FOCAD: variants seen among roughly 807,000 people sequenced by gnomAD.
FOCAD encodes the protein focadhesin.
FOCAD carries 198 observed loss-of-function variants against 225.6 expected under a neutral mutation model. The ratio of observed to expected loss-of-function variants is 0.88; its 90% CI spans 0.78 to 0.99. The LOEUF (loss-of-function observed/expected upper bound fraction) is 0.99. FOCAD is among the 50% of genes least tolerant of loss of function. The pLI, the probability that FOCAD is intolerant of heterozygous loss-of-function variation, is 0.00. For synonymous variants in FOCAD, 897 were observed against 755.0 expected (o/e 1.19, Z -3.08); for missense variants, 2,713 against 2,123.6 (o/e 1.28, Z -5.46).
Position 20,912,853 on chromosome 9 carries a change from G to A in FOCAD, c.2719-13G>A, listed in dbSNP as rs756055539. 2 of 1,610,578 alleles carry A rather than the reference G, an allele frequency of 1.2e-6. No individual in the cohort carries two copies. Among genetic ancestry groups the A allele is most frequent in the Non-Finnish European group, 1.7e-6 (2 of 1,177,246 alleles). On this transcript the variant is annotated splice_polypyrimidine_tract_variant and intron_variant, in intron 22 of 43. Coordinates refer to ENST00000338382, the MANE Select transcript of FOCAD (RefSeq NM_001375567.1). ...TCGAGTTCACATGCTGATTTATGCT[G>A]TGATTTTTGCAGGGAAGACTAGGAG...
chr9:20,798,795 T>C (rs1192101087), intron 11 of FOCAD, among the ~76,000 whole-genome samples: 1 of 152,106 alleles, frequency 6.6e-6, no homozygotes, highest in Non-Finnish European at 1.5e-5. Flanking sequence ...TTTCAAAAAA[T>C]CTGCTCCTGG....
At chr9:20,920,866 T>C (rs545951443) in intron 24 of FOCAD, among the ~76,000 whole-genome samples, 1 of 151,094 alleles carries the variant, frequency 6.6e-6, no homozygotes, top group Admixed American at 6.6e-5. Context: ...TAATGCTAAA[T>C]GACGAGTTAG....
At chr9:20,841,028 T>C (rs994791903) in intron 15 of FOCAD, among the ~76,000 whole-genome samples, 4 of 152,082 alleles carry the variant, frequency 2.6e-5, no homozygotes, top group Admixed American at 6.6e-5. Context: ...ATATGTCATA[T>C]TGAATTGCAT....
intron 21 of FOCAD, among the ~76,000 whole-genome samples, chr9:20,891,093 A>G (rs1485700092): frequency 2.0e-5 from 3 of 152,166 alleles, no homozygotes; most frequent in African/African-American, 7.2e-5. Context: ...GTGATGATCT[A>G]TGATTAATGA....
rs1841925025 is a variant in FOCAD at position 20,994,652 on chromosome 9, G to T, written c.5333-904G>T. 2.0e-5 allele frequency among the ~76,000 whole-genome samples: 3 copies of T among 152,336 alleles called. No homozygotes were observed. In the South Asian group the frequency reaches 6.2e-4, roughly 32 times the overall value. On this transcript the variant is annotated intron_variant, in intron 43 of 43. Transcript: ENST00000338382. ...CAGAACTTCACTGAAAATCAGGGCTGTGGTCTGACATGTTTTCACATTATC... is the reference window on the plus strand; with the variant it reads ...CAGAACTTCACTGAAAATCAGGGCTTTGGTCTGACATGTTTTCACATTATC...
intron 1 of FOCAD, among the ~76,000 whole-genome samples, chr9:20,697,997 G>A (rs1241321042): frequency 6.6e-6 from 1 of 152,216 alleles, no homozygotes. Flanking sequence ...TTCTTAATAA[G>A]TGGTATAATT....
chr9:20,827,868 T>C (rs565619853), intron 15 of FOCAD, among the ~76,000 whole-genome samples: 5 of 152,206 alleles, frequency 3.3e-5, no homozygotes, highest in African/African-American at 1.2e-4. Context: ...TTGTTAAAGA[T>C]TTTTATTAAA....
At chr9:20,893,646 G>A (rs933568615) in intron 21 of FOCAD, among the ~76,000 whole-genome samples, 2 of 152,020 alleles carry the variant, frequency 1.3e-5, no homozygotes, top group African/African-American at 4.8e-5. Flanking sequence ...TGAATAAATG[G>A]CTAAAAGAAC....
chr9:20,866,378 C>A (rs566226980), intron 17 of FOCAD, among the ~76,000 whole-genome samples: 1 of 152,062 alleles, frequency 6.6e-6, no homozygotes, highest in African/African-American at 2.4e-5. Context: ...TGATGTTATA[C>A]CTAACTCATG....
chr9:20,703,455 G>A (rs1824133561), intron 1 of FOCAD, among the ~76,000 whole-genome samples: 1 of 151,996 alleles, frequency 6.6e-6, no homozygotes, highest in Non-Finnish European at 1.5e-5. Flanking sequence ...CCATTGAAAA[G>A]TTTTCAGCAT....
At chr9:20,669,191 G>A (rs1384635336) in intron 2 of FOCAD, among the ~76,000 whole-genome samples, 3 of 152,172 alleles carry the variant, frequency 2.0e-5, no homozygotes, top group African/African-American at 2.4e-5. Flanking sequence ...TTAAGGGGGT[G>A]CTCATTCTCA....
intron 14 of FOCAD, among the ~76,000 whole-genome samples, chr9:20,822,211 T>C (rs1345284409): frequency 1.3e-5 from 2 of 152,004 alleles, no homozygotes; most frequent in African/African-American, 4.8e-5. Context: ...TTCCTTTCAG[T>C]TACTACCTCC....
intron 35 of FOCAD, among the ~76,000 whole-genome samples, chr9:20,961,710 C>T (rs919514435): frequency 6.6e-6 from 1 of 151,986 alleles, no homozygotes. Context: ...TCTCATTATC[C>T]TCAATATATT....
intron 15 of FOCAD, among the ~76,000 whole-genome samples, chr9:20,847,346 C>G (rs974188592): frequency 1.3e-5 from 2 of 152,068 alleles, no homozygotes; most frequent in East Asian, 3.9e-4. Context: ...TTGTGACTGG[C>G]TTATTTCACA....
intron 21 of FOCAD, among the ~76,000 whole-genome samples, chr9:20,897,308 C>A (rs899840756): frequency 3.3e-5 from 5 of 151,688 alleles, no homozygotes. Context: ...TTCTTGTAGA[C>A]AACATGTAGT....
At chr9:20,712,730 CT>C (rs71334550) in intron 1 of FOCAD, among the ~76,000 whole-genome samples, 7,122 of 93,034 alleles carry the variant, frequency 0.077, 164 homozygotes, top group Middle Eastern at 0.14. Context: ...CTCCTATATT[CT>C]TTTTTTTTTT....
chr9:20,990,889 T>C (rs1422003731), intron 42 of FOCAD, among the ~76,000 whole-genome samples: 1 of 152,216 alleles, frequency 6.6e-6, no homozygotes. Flanking sequence ...CTTATTCCAT[T>C]GCACAGATAT....
intron 31 of FOCAD, 131 bp downstream of exon 31, chr9:20,948,524 G>C: frequency 1.0e-6 from 1 of 983,470 alleles, no homozygotes; most frequent in Middle Eastern, 2.4e-4. Flanking sequence ...AAATGAAAGA[G>C]ATCACATACT....
chr9:20,794,095 C>T (rs1287146363), intron 11 of FOCAD, among the ~76,000 whole-genome samples: 1 of 152,160 alleles, frequency 6.6e-6, no homozygotes, highest in Non-Finnish European at 1.5e-5. Flanking sequence ...CAGCTCCCTG[C>T]AACCAACTTG....
Sources: allele counts gnomAD v4.1 joint callset (sites outside exome capture counted in the v4.1 genomes callset), GRCh38; gene constraint gnomAD v4.1.1; transcripts MANE v1.5; gene names NCBI Gene and HGNC (gene_info 2026-07-23, HGNC 2026-07-21).